DTNB: variants seen among roughly 807,000 people sequenced by gnomAD.
DTNB encodes the protein dystrobrevin beta.
DTNB carries 63 observed loss-of-function variants against 90.7 expected under a neutral mutation model. The ratio of observed to expected loss-of-function variants is 0.69; its 90% CI spans 0.57 to 0.86. The LOEUF (loss-of-function observed/expected upper bound fraction) is 0.86, where lower values mean the gene tolerates loss of function less well. Among genes scored for constraint, DTNB ranks in the 40% least tolerant of loss-of-function variants. The pLI is 0.00. For missense variants in DTNB, 744 were observed against 807.1 expected (o/e 0.92, Z 0.95); for synonymous variants, 277 against 286.7 (o/e 0.97, Z 0.34).
chr2:25,548,534 C>G (rs1164054253), intron 8 of DTNB, among the ~76,000 whole-genome samples: 2 of 151,884 alleles, frequency 1.3e-5, no homozygotes, highest in Non-Finnish European at 2.9e-5. Flanking sequence ...GGAATGGGCT[C>G]TCCAAGCAAA....
At chr2:25,475,040 TA>T (rs1356461245) in intron 10 of DTNB, among the ~76,000 whole-genome samples, 4 of 152,208 alleles carry the variant, frequency 2.6e-5, no homozygotes, top group African/African-American at 9.7e-5. Context: ...ATATTGAAAT[TA>T]GGCCAGTTCA....
chr2:25,580,880 T>TC, intron 6 of DTNB, 54 bp from the exon 7 acceptor site: 36 of 1,483,988 alleles, frequency 2.4e-5, no homozygotes, highest in Non-Finnish European at 3.3e-5. Flanking sequence ...ATCTCCAAAC[T>TC]CCAAGTTTAA....
intron 16 of DTNB, among the ~76,000 whole-genome samples, chr2:25,408,187 T>C (rs541605083): frequency 6.6e-6 from 1 of 152,132 alleles, no homozygotes; most frequent in East Asian, 1.9e-4. Context: ...TGCATGCCTG[T>C]AATTCCAGTT....
rs1053023710 is a variant in DTNB, at chr2:25,466,955, G to C, written c.1080-11461C>G. Among the ~76,000 whole-genome samples the C allele has an allele frequency of 2.6e-4, 40 of 152,202 alleles. 1 individual carries two copies. The highest frequency in any genetic ancestry group is 2.6e-3 in the Admixed American group (40 of 15,280). On this transcript the variant is annotated intron_variant, in intron 10 of 20. Transcript: ENST00000406818. ...AAGCGTGAAAGAGTTCCGTCAAAGT[G>C]ATCTCTAATGTACTGGTTGAGTGTT...
chr2:25,436,377 G>A (rs2055774542), intron 12 of DTNB, among the ~76,000 whole-genome samples: 1 of 151,920 alleles, frequency 6.6e-6, no homozygotes, highest in Non-Finnish European at 1.5e-5. Flanking sequence ...CAATGAACAT[G>A]AGTAGGTGGT....
At chr2:25,573,240 C>A (rs2060152882) in intron 8 of DTNB, among the ~76,000 whole-genome samples, 1 of 151,836 alleles carries the variant, frequency 6.6e-6, no homozygotes, top group Non-Finnish European at 1.5e-5. Flanking sequence ...GCCACCATGC[C>A]CGGCCCACTT....
At chr2:25,483,745 G>T (rs2065481323) in intron 9 of DTNB, among the ~76,000 whole-genome samples, 1 of 152,086 alleles carries the variant, frequency 6.6e-6, no homozygotes, top group South Asian at 2.1e-4. Context: ...CTACAAAAGG[G>T]TTCTGTCTTG....
chr2:25,625,983 G>A (rs893464660), intron 4 of DTNB, among the ~76,000 whole-genome samples: 5 of 152,168 alleles, frequency 3.3e-5, no homozygotes, highest in East Asian at 1.9e-4. Context: ...TGCCGTCTAG[G>A]AGCCAGAAAG....
intron 9 of DTNB, among the ~76,000 whole-genome samples, chr2:25,487,941 T>C (rs915060064): frequency 6.6e-6 from 1 of 152,148 alleles, no homozygotes; most frequent in Non-Finnish European, 1.5e-5. Context: ...CAAACACCAA[T>C]GTGACCATCA....
At chr2:25,645,800 T>C (rs1294188151) in intron 2 of DTNB, among the ~76,000 whole-genome samples, 1 of 152,172 alleles carries the variant, frequency 6.6e-6, no homozygotes, top group African/African-American at 2.4e-5. Context: ...CCCTAAAATA[T>C]TCCAATACCC....
intron 9 of DTNB, among the ~76,000 whole-genome samples, chr2:25,509,300 C>T (rs1375737583): frequency 6.6e-6 from 1 of 152,096 alleles, no homozygotes; most frequent in Non-Finnish European, 1.5e-5. Flanking sequence ...GTAGGTTTTT[C>T]ATAGATGTGC....
intron 4 of DTNB, among the ~76,000 whole-genome samples, chr2:25,618,235 C>A (rs2071361446): frequency 6.6e-6 from 1 of 152,184 alleles, no homozygotes; most frequent in Non-Finnish European, 1.5e-5. Flanking sequence ...CCCCAGCATT[C>A]TTCCTCTACA....
intron 16 of DTNB, among the ~76,000 whole-genome samples, chr2:25,412,364 G>A (rs2046826613): frequency 1.3e-5 from 2 of 152,168 alleles, no homozygotes; most frequent in Admixed American, 1.3e-4. Context: ...TGAAGTAAAA[G>A]GAAAGGTCCC....
intron 5 of DTNB, chr2:25,599,171 T>C (rs2065277440): frequency 6.6e-6 from 1 of 150,910 alleles, no homozygotes; most frequent in Non-Finnish European, 1.5e-5. Flanking sequence ...GGCATTTCAA[T>C]GCAAGGAACT....
At chr2:25,417,521 C>T (rs1408353347) in intron 16 of DTNB, among the ~76,000 whole-genome samples, 3 of 152,224 alleles carry the variant, frequency 2.0e-5, no homozygotes, top group Non-Finnish European at 4.4e-5. Flanking sequence ...ACAATGCCTG[C>T]CCTCTTCTGA....
In DTNB at chr2:25,388,016, C is replaced by T. The variant is rs559061014; in HGVS notation, c.1735+186G>A. On this transcript the variant is annotated intron_variant, in intron 17 of 20. Coordinates refer to ENST00000406818, the MANE Select transcript of DTNB (RefSeq NM_021907.5). ...TTGGCACACATAGGAAGCCTGCAGC[C>T]CTCCCGCTGGAGACCAGCCCGTCTC... 3.1e-4 allele frequency among the ~76,000 whole-genome samples: 47 copies of T among 152,340 alleles called. No individual in the cohort carries two copies. The South Asian group carries it at 4.4e-3, about 14-fold the overall frequency.
At chr2:25,441,828 A>C (rs1035091716) in intron 12 of DTNB, among the ~76,000 whole-genome samples, 21 of 152,130 alleles carry the variant, frequency 1.4e-4, no homozygotes, top group Admixed American at 1.4e-3. Context: ...TTTCAAAGAC[A>C]CTCAGGCATC....
At chr2:25,576,246 GAC>G (rs2060650813) in intron 8 of DTNB, among the ~76,000 whole-genome samples, 2 of 119,726 alleles carry the variant, frequency 1.7e-5, no homozygotes, top group Non-Finnish European at 1.7e-5. Flanking sequence ...TTTTTTTTGA[GAC>G]AGAGTCTTAC....
chr2:25,612,111 A>G (rs2068794928), intron 4 of DTNB, among the ~76,000 whole-genome samples: 1 of 152,170 alleles, frequency 6.6e-6, no homozygotes, highest in African/African-American at 2.4e-5. Flanking sequence ...ATTCATAGTC[A>G]TTTTTTGCAG....
Sources: allele counts gnomAD v4.1 joint callset (sites outside exome capture counted in the v4.1 genomes callset), GRCh38; gene constraint gnomAD v4.1.1; transcripts MANE v1.5; gene names NCBI Gene and HGNC (gene_info 2026-07-23, HGNC 2026-07-21).